RHOU: variants seen among roughly 807,000 people sequenced by gnomAD.
RHOU encodes the protein rho-related GTP-binding protein RhoU.
A neutral mutation model predicts 12.6 loss-of-function variants in RHOU; 8 were observed. The observed-to-expected ratio is 0.64, with a 90% CI of 0.37 to 1.15. The LOEUF (loss-of-function observed/expected upper bound fraction) is 1.15, where lower values mean the gene tolerates loss of function less well. RHOU is among the 50% of genes most tolerant of loss of function. RHOU has a pLI of 0.01. For missense variants in RHOU, 258 were observed against 347.0 expected (o/e 0.74, Z 2.04); for synonymous variants, 161 against 147.4 (o/e 1.09, Z -0.67).
chr1:228,699,223 A>G, the RHOU span, among the ~76,000 whole-genome samples: 1 of 151,562 alleles, frequency 6.6e-6, no homozygotes, highest in Non-Finnish European at 1.5e-5. Context: ...AGGTGGGAGG[A>G]TTGCTTGAGG....
chr1:228,667,922 C>T, the RHOU span, among the ~76,000 whole-genome samples: 1 of 152,120 alleles, frequency 6.6e-6, no homozygotes, highest in Non-Finnish European at 1.5e-5. Flanking sequence ...GTGGAATTTC[C>T]TGAGTGATAG....
chr1:228,683,863 T>A, the RHOU span, among the ~76,000 whole-genome samples: 1 of 152,220 alleles, frequency 6.6e-6, no homozygotes, highest in Non-Finnish European at 1.5e-5. Flanking sequence ...TGGCTGCCTG[T>A]GCAGCATGGG....
At chr1:228,725,357 A>G in the RHOU span, among the ~76,000 whole-genome samples, 35 of 152,270 alleles carry the variant, frequency 2.3e-4, no homozygotes, top group African/African-American at 8.2e-4. Flanking sequence ...TTAGAGGTAC[A>G]GAGGTCTGGG....
chr1:228,713,368 T>C, the RHOU span, among the ~76,000 whole-genome samples: 13 of 152,216 alleles, frequency 8.5e-5, no homozygotes, highest in African/African-American at 1.2e-4. Flanking sequence ...ATCTTGTGGA[T>C]AGCTGAATAT....
the RHOU span, among the ~76,000 whole-genome samples, chr1:228,694,246 G>T: frequency 2.6e-5 from 4 of 152,188 alleles, no homozygotes; most frequent in Non-Finnish European, 4.4e-5. Context: ...GACATAATAT[G>T]CAGATACAGA....
chr1:228,727,011 C>A, the RHOU span, among the ~76,000 whole-genome samples: 1 of 152,208 alleles, frequency 6.6e-6, no homozygotes, highest in Non-Finnish European at 1.5e-5. Context: ...CCCTTGCCCT[C>A]ACCATACACT....
At chr1:228,653,740 G>A in the RHOU span, among the ~76,000 whole-genome samples, 1 of 152,134 alleles carries the variant, frequency 6.6e-6, no homozygotes, top group African/African-American at 2.4e-5. Context: ...ACAGGTGTGA[G>A]CCACTGTGAC....
At chr1:228,672,948 A>T in the RHOU span, among the ~76,000 whole-genome samples, 1 of 152,210 alleles carries the variant, frequency 6.6e-6, no homozygotes, top group Non-Finnish European at 1.5e-5. Context: ...TGTAATTGGG[A>T]TGAACTGCCA....
the RHOU span, among the ~76,000 whole-genome samples, chr1:228,647,031 G>T: frequency 1.3e-5 from 2 of 152,114 alleles, no homozygotes; most frequent in South Asian, 2.1e-4. Flanking sequence ...AAACCCAGAA[G>T]AGTGAGGAGG....
Position 228,737,760 on chromosome 1 carries a change from G to A in RHOU, c.321+29G>A, listed in dbSNP as rs1427568886. 6.2e-7 allele frequency: 1 copy of A among 1,611,280 alleles called. No homozygotes were observed. Among genetic ancestry groups the A allele is most frequent in the Non-Finnish European group, 8.5e-7 (1 of 1,177,464 alleles). On this transcript the variant is annotated intron_variant, in intron 2 of 2. Transcript: ENST00000366691. The surrounding 1 kb of genome is among the most constrained non-coding windows in gnomAD (Gnocchi z 4.1). The stretch of plus-strand genomic sequence containing the variant: ...AGTATCACGTTACAGCTCAGTGCTG[G>A]GAAAGGAAACAGCCTTTTAAAGATT...
chr1:228,663,482 T>A, the RHOU span, among the ~76,000 whole-genome samples: 1 of 152,072 alleles, frequency 6.6e-6, no homozygotes, highest in Non-Finnish European at 1.5e-5. Context: ...ATCGGAAAAG[T>A]TAAGCATATT....
chr1:228,741,281 T>C (rs1662716787), intron 2 of RHOU, among the ~76,000 whole-genome samples: 1 of 152,160 alleles, frequency 6.6e-6, no homozygotes, highest in African/African-American at 2.4e-5. Context: ...ATTGCACGTG[T>C]GTATTGCATT....
At chr1:228,660,345 C>T in the RHOU span, among the ~76,000 whole-genome samples, 8 of 143,868 alleles carry the variant, frequency 5.6e-5, no homozygotes, top group South Asian at 1.5e-3. Flanking sequence ...ATCTCCTGAC[C>T]GAAAAAAATA....
At chr1:228,664,919 T>A in the RHOU span, among the ~76,000 whole-genome samples, 1 of 152,194 alleles carries the variant, frequency 6.6e-6, no homozygotes, top group East Asian at 1.9e-4. Context: ...CCCAAAGTGC[T>A]GGGATTACAG....
chr1:228,666,953 C>A, the RHOU span, among the ~76,000 whole-genome samples: 1 of 152,186 alleles, frequency 6.6e-6, no homozygotes, highest in Non-Finnish European at 1.5e-5. Flanking sequence ...CAAAACATTA[C>A]CTTTCTTGTG....
In RHOU at chr1:228,737,081, TCC is replaced by T. The variant is rs1393210959; in HGVS notation, c.263-589_263-588del. Among the ~76,000 whole-genome samples, 6 of 152,210 alleles carry T rather than the reference TCC, an allele frequency of 3.9e-5. No homozygotes were observed. The East Asian group carries it at 1.2e-3, about 29-fold the overall frequency. ...TGCAGGCCTCTCCACACTCCCCGAGTCCCCGGATCCCAGTGGAAAGGGGGCCA... is the reference window on the plus strand; with the variant it reads ...TGCAGGCCTCTCCACACTCCCCGAGTCCGGATCCCAGTGGAAAGGGGGCCA... On this transcript the variant is annotated intron_variant, in intron 1 of 2. Coordinates refer to ENST00000366691, the MANE Select transcript of RHOU (RefSeq NM_021205.6). The surrounding 1 kb of genome is among the most constrained non-coding windows in gnomAD (Gnocchi z 4.1).
rs1662766656 is a variant in RHOU, at chr1:228,743,527, T to C, written c.564T>C (p.Ala188=). ...CKEKPVPEEA[A]KLCAEEIKAA... ...AAAAGCCAGTGCCTGAAGAGGCGGCTAAGCTGTGCGCCGAGGAAATCAAAG... is the reference window on the plus strand; with the variant it reads ...AAAAGCCAGTGCCTGAAGAGGCGGCCAAGCTGTGCGCCGAGGAAATCAAAG... Residue 188 remains alanine (A), a synonymous_variant, in exon 3 of 3, where the codon GCT becomes GCC. Transcript: ENST00000366691. This position sits in a 1 kb window ranked among gnomAD's most constrained non-coding sequence, Gnocchi z 5.1. The C allele has an allele frequency of 6.2e-7, 1 of 1,614,074 alleles. No individual in the cohort carries two copies. The highest frequency in any genetic ancestry group is 1.1e-5 in the South Asian group (1 of 91,084).
the RHOU span, among the ~76,000 whole-genome samples, chr1:228,696,459 T>A: frequency 6.6e-6 from 1 of 152,002 alleles, no homozygotes; most frequent in South Asian, 2.1e-4. Context: ...GGAAGGAAGG[T>A]GCTTTGTAAG....
At chr1:228,742,648 C>T (rs1339580372) in intron 2 of RHOU, among the ~76,000 whole-genome samples, 1 of 152,200 alleles carries the variant, frequency 6.6e-6, no homozygotes, top group Admixed American at 6.5e-5. Context: ...TTCTGAGTCA[C>T]GATGACAATG....
Sources: allele counts gnomAD v4.1 joint callset (sites outside exome capture counted in the v4.1 genomes callset), GRCh38; gene constraint gnomAD v4.1.1; non-coding constraint Gnocchi (gnomAD v3.1); transcripts MANE v1.5; gene names NCBI Gene and HGNC (gene_info 2026-07-23, HGNC 2026-07-21).